STXBP5L: variants seen among roughly 807,000 people sequenced by gnomAD.
STXBP5L encodes the protein syntaxin-binding protein 5-like.
A neutral mutation model predicts 144.5 loss-of-function variants in STXBP5L; 65 were observed. That is an observed-to-expected ratio of 0.45 (90% confidence interval 0.37 to 0.55). STXBP5L has a LOEUF of 0.55. Among genes scored for constraint, STXBP5L ranks in the 20% least tolerant of loss-of-function variants. STXBP5L has a pLI of 0.00. For synonymous variants in STXBP5L, 505 were observed against 469.6 expected (o/e 1.08, Z -0.97); for missense variants, 1,298 against 1,405.5 (o/e 0.92, Z 1.22).
chr3:120,909,844 C>G, intron 2 of STXBP5L, 77 bp downstream of exon 2: 6 of 1,393,896 alleles, frequency 4.3e-6, no homozygotes, highest in Non-Finnish European at 5.8e-6. Context: ...AAAAACATAC[C>G]AGGAACAGGA....
intron 5 of STXBP5L, among the ~76,000 whole-genome samples, chr3:121,088,124 C>A (rs561534770): frequency 6.6e-6 from 1 of 151,118 alleles, no homozygotes; most frequent in South Asian, 2.1e-4. Flanking sequence ...TTCTGCACAG[C>A]AAAAGAAACT....
intron 2 of STXBP5L, among the ~76,000 whole-genome samples, chr3:120,918,942 G>A (rs909657142): frequency 6.6e-6 from 1 of 152,144 alleles, no homozygotes. Flanking sequence ...TGTACCACAA[G>A]ATGCCAAATA....
intron 9 of STXBP5L, among the ~76,000 whole-genome samples, chr3:121,200,511 C>T (rs2048097903): frequency 6.6e-6 from 1 of 152,106 alleles, no homozygotes; most frequent in African/African-American, 2.4e-5. Flanking sequence ...TATTTCTTGT[C>T]TTGTGCCAGC....
At chr3:121,194,350 T>A (rs949889515) in intron 9 of STXBP5L, among the ~76,000 whole-genome samples, 8 of 152,354 alleles carry the variant, frequency 5.3e-5, no homozygotes, top group South Asian at 2.1e-4. Flanking sequence ...ATTCATGTCG[T>A]ATGAGTACTT....
At chr3:120,954,476 A>T (rs1036958057) in intron 2 of STXBP5L, among the ~76,000 whole-genome samples, 1 of 151,966 alleles carries the variant, frequency 6.6e-6, no homozygotes, top group Non-Finnish European at 1.5e-5. Flanking sequence ...TGTTGCATCT[A>T]TCAGTAGTTT....
chr3:121,343,652 C>G (rs1384736416), intron 20 of STXBP5L, among the ~76,000 whole-genome samples: 3 of 152,068 alleles, frequency 2.0e-5, no homozygotes, highest in Non-Finnish European at 4.4e-5. Flanking sequence ...TTCACAATTG[C>G]TTCAAAGAGA....
Position 120,977,688 on chromosome 3 carries a change from G to A in STXBP5L, c.287+22651G>A, listed in dbSNP as rs553046194. ...GATTTTGCAGTGGCTGGTACCAGTT[G>A]TTTCTTTCCATGTTTAGTGCTTCCT... On this transcript the variant is annotated intron_variant, in intron 3 of 26. Transcript: ENST00000471454. Among the ~76,000 whole-genome samples the A allele has an allele frequency of 9.1e-3, 1,385 of 152,128 alleles. 20 individuals carry two copies. Among genetic ancestry groups the A allele is most frequent in the African/African-American group, 0.032 (1,330 of 41,484 alleles).
At position 121,148,227 on chromosome 3, in the gene STXBP5L, A is replaced by G. The variant is rs147981989; in HGVS notation, c.670-4250A>G. ...ACATTAACAAAACAGTTATTTGAAAATACTAACAAAATTGATGCATCTCTG... is the reference window on the plus strand; with the variant it reads ...ACATTAACAAAACAGTTATTTGAAAGTACTAACAAAATTGATGCATCTCTG... On this transcript the variant is annotated intron_variant, in intron 7 of 26. Transcript: ENST00000471454. Among the ~76,000 whole-genome samples the G allele has an allele frequency of 7.9e-5, 12 of 152,284 alleles. No individual in the cohort carries two copies. The East Asian group carries it at 2.3e-3, about 29-fold the overall frequency.
chr3:121,404,420 C>G (rs375243482), intron 22 of STXBP5L, among the ~76,000 whole-genome samples: 3 of 152,260 alleles, frequency 2.0e-5, no homozygotes, highest in East Asian at 3.9e-4. Flanking sequence ...CTGCTTCCAG[C>G]CTTGGTTCCC....
At chr3:121,244,246 C>A (rs930444352) in intron 14 of STXBP5L, among the ~76,000 whole-genome samples, 2 of 151,454 alleles carry the variant, frequency 1.3e-5, no homozygotes, top group Non-Finnish European at 2.9e-5. Context: ...AATTCTAGAT[C>A]TGAAGTATAT....
intron 9 of STXBP5L, among the ~76,000 whole-genome samples, chr3:121,183,481 G>A (rs1292904524): frequency 6.6e-6 from 1 of 151,990 alleles, no homozygotes; most frequent in Non-Finnish European, 1.5e-5. Flanking sequence ...CAAATCAGTA[G>A]CACTGATATA....
chr3:121,000,624 A>G (rs963187782), intron 3 of STXBP5L, among the ~76,000 whole-genome samples: 1 of 152,142 alleles, frequency 6.6e-6, no homozygotes. Context: ...CATTTCAGCC[A>G]TTTCAGTTTG....
chr3:121,092,302 G>A (rs548321790), intron 5 of STXBP5L, among the ~76,000 whole-genome samples: 1 of 152,022 alleles, frequency 6.6e-6, no homozygotes, highest in Non-Finnish European at 1.5e-5. Context: ...TTCCAATTCT[G>A]TGATGAAAGT....
At position 121,407,425 on chromosome 3, in the gene STXBP5L, C is replaced by A. The variant is rs2047018279; in HGVS notation, c.2770C>A (p.Gln924Lys). The change falls in exon 23 of 27, where the codon CAG (glutamine) becomes AAG (lysine). Residue 924 changes from glutamine to lysine, a missense_variant. By Grantham distance (53) the Gln-to-Lys change is moderately conservative. Coordinates refer to ENST00000471454, the MANE Select transcript of STXBP5L (RefSeq NM_001308330.2). ...TGCATCCCAAGAAATAGGAGATCAT[C>A]AGTATACAATAATCTGCTCAGAAAA... is the stretch of plus-strand genomic sequence containing the variant. ...SSASQEIGDH[Q>K]YTIICSEKQA... 1 of 1,613,166 alleles carries A rather than the reference C, an allele frequency of 6.2e-7. No individual in the cohort carries two copies. Among genetic ancestry groups the A allele is most frequent in the Non-Finnish European group, 8.5e-7 (1 of 1,179,408 alleles).
chr3:121,113,665 TC>T (rs2044098175), intron 5 of STXBP5L, among the ~76,000 whole-genome samples: 1 of 141,530 alleles, frequency 7.1e-6, no homozygotes, highest in East Asian at 2.0e-4. Context: ...TATTCTTTTT[TC>T]TTTTTCTTTT....
At chr3:121,308,757 T>C (rs1467425137) in intron 19 of STXBP5L, among the ~76,000 whole-genome samples, 1 of 152,114 alleles carries the variant, frequency 6.6e-6, no homozygotes. Flanking sequence ...GTTCTTCTTA[T>C]TTCTTAGCTT....
intron 3 of STXBP5L, among the ~76,000 whole-genome samples, chr3:121,000,256 A>G (rs1559978352): frequency 6.6e-6 from 1 of 152,118 alleles, no homozygotes; most frequent in African/African-American, 2.4e-5. Flanking sequence ...AAGGAGTCAT[A>G]GATTTGGTCT....
At chr3:120,944,108 A>AT (rs935826119) in intron 2 of STXBP5L, among the ~76,000 whole-genome samples, 14 of 150,650 alleles carry the variant, frequency 9.3e-5, no homozygotes, top group African/African-American at 2.4e-4. Context: ...AACAGTTAGG[A>AT]TTTTTTTTTG....
chr3:120,972,691 G>A (rs1214186589), intron 3 of STXBP5L, among the ~76,000 whole-genome samples: 1 of 152,088 alleles, frequency 6.6e-6, no homozygotes, highest in East Asian at 1.9e-4. Context: ...TGAGTATGAT[G>A]TTGGCTGTGG....
Sources: gnomAD v4.1 joint callset for allele counts (sites outside exome capture counted in the v4.1 genomes callset) on GRCh38, gnomAD v4.1.1 for gene constraint, MANE v1.5 for transcripts, NCBI Gene and HGNC (gene_info 2026-07-23, HGNC 2026-07-21) for gene names.